Variants in LYSMD1 observed in about 807,000 individuals in gnomAD.
The protein encoded by LYSMD1 is lysM and putative peptidoglycan-binding domain-containing protein 1.
In LYSMD1, 9 loss-of-function variants were observed where a neutral mutation model predicts 19.3. That is an observed-to-expected ratio of 0.47 (90% CI 0.28 to 0.81). LYSMD1 has a LOEUF of 0.81. Ranked by LOEUF, LYSMD1 falls within the 40% of genes least tolerant of loss-of-function variation. LYSMD1 has a pLI of 0.11. For synonymous variants in LYSMD1, 111 were observed against 111.7 expected, an observed-to-expected ratio of 0.99 and a Z score of 0.04; for missense variants, 262 against 279.8, an observed-to-expected ratio of 0.94 and a Z score of 0.45.
Position 151,161,740 on chromosome 1 carries a change from T to C in LYSMD1, c.541A>G (p.Asn181Asp). The change falls in exon 2 of 3, where the codon AAT becomes GAT. Residue 181 changes from asparagine to aspartate, a missense_variant. Coordinates refer to ENST00000368908, the MANE Select transcript of LYSMD1 (RefSeq NM_212551.5). ...AAAQKLKKGE[N>D]GVPGEDAGLH... is the part of the protein sequence containing the mutation. ...AAGGAACCATTCAAGACTCACCCAT[T>C]TTCCCCTTTTTTCAGCTTCTGAGCA... is the stretch of plus-strand genomic sequence containing the variant. 1 of 1,609,188 alleles carries C rather than the reference T, an allele frequency of 6.2e-7. No individual in the cohort carries two copies. Among genetic ancestry groups the C allele is most frequent in the Non-Finnish European group, 8.5e-7 (1 of 1,178,720 alleles).
rs1683635426 is a variant in LYSMD1 at position 151,165,260 on chromosome 1, T to C, written c.-2A>G. 6.2e-7 allele frequency: 1 copy of C among 1,610,798 alleles called. No individual in the cohort carries two copies. Among genetic ancestry groups the C allele is most frequent in the African/African-American group, 1.3e-5 (1 of 74,810 alleles). On this transcript the variant is annotated 5_prime_UTR_variant, in exon 1 of 3. Transcript: ENST00000368908. ...GGGCTGTCTAGACGGGGAAGCCATC[T>C]CTTCACCCTGCCAACAGCTAAGGTT...
chr1:151,159,117 T>G, downstream of LYSMD1: 1 of 1,614,188 alleles, frequency 6.2e-7, no homozygotes, highest in Non-Finnish European at 8.5e-7. Flanking sequence ...CCAAGTCACA[T>G]GGCCGCATCC....
At position 151,160,621 on chromosome 1, in the gene LYSMD1, T is replaced by G; in HGVS notation, c.*261A>C. On this transcript the variant is annotated 3_prime_UTR_variant, in exon 3 of 3. Coordinates refer to ENST00000368908, the MANE Select transcript of LYSMD1 (RefSeq NM_212551.5). Reference sequence around the variant, plus strand: ...AAAAGGATAGGAAAGGCAACAAGGATATAAAAAGAGCCTTTTGAGTCTAAA... The same window carrying G: ...AAAAGGATAGGAAAGGCAACAAGGAGATAAAAAGAGCCTTTTGAGTCTAAA... The G allele has an allele frequency of 3.3e-6, 1 of 301,272 alleles. No individual in the cohort carries two copies. Among genetic ancestry groups the G allele is most frequent in the Admixed American group, 4.5e-5 (1 of 22,426 alleles). 18.7% of individuals were successfully genotyped at this position (301,272 alleles called of 1,614,324 possible).
In LYSMD1 at chr1:151,160,929, G is replaced by A. The variant is rs1176102651; in HGVS notation, c.637C>T (p.Arg213Trp). The change falls in exon 3 of 3, where the codon CGG becomes TGG. Residue 213 changes from arginine to tryptophan, a missense_variant. Physicochemically the swap from Arg to Trp is moderately radical, Grantham distance 101. Transcript: ENST00000368908. ...LGPVPLTRTS[R>W]TRTLRDQEDE... ...TCCTGGTCCCGTAGTGTCCGGGTCC[G>A]AGAGGTACGGGTCAGCGGCACAGGA... is the stretch of plus-strand genomic sequence containing the variant. 5 of 1,614,042 alleles carry A rather than the reference G, an allele frequency of 3.1e-6. No homozygotes were observed. The highest frequency in any genetic ancestry group is 2.2e-5 in the East Asian group (1 of 44,892).
chr1:151,158,815 G>C, downstream of LYSMD1: 1 of 1,614,172 alleles, frequency 6.2e-7, no homozygotes, highest in Non-Finnish European at 8.5e-7. Flanking sequence ...TGAGGTGCTA[G>C]ATGAGCTCTA....
Position 151,165,365 on chromosome 1 carries a change from C to T in LYSMD1, c.-107G>A. 1.3e-6 allele frequency: 2 copies of T among 1,499,084 alleles called. No individual in the cohort carries two copies. Among genetic ancestry groups the T allele is most frequent in the African/African-American group, 1.4e-5 (1 of 71,748 alleles). 92.9% of individuals were successfully genotyped at this position (1,499,084 alleles called of 1,614,324 possible). ...TGAATATTCAGGGGATTCCTTTCCCCCTCTCTCTTCCCCTGTGTCCCCGCC... is the reference window on the plus strand; with the variant it reads ...TGAATATTCAGGGGATTCCTTTCCCTCTCTCTCTTCCCCTGTGTCCCCGCC... On this transcript the variant is annotated 5_prime_UTR_variant, in exon 1 of 3. Coordinates refer to ENST00000368908, the MANE Select transcript of LYSMD1 (RefSeq NM_212551.5).
downstream of LYSMD1, among the ~76,000 whole-genome samples, chr1:151,156,930 T>G (rs1683241912): frequency 6.6e-6 from 1 of 152,040 alleles, no homozygotes; most frequent in Non-Finnish European, 1.5e-5. Flanking sequence ...GGCTGAGGGA[T>G]GCAGGTGGAT....
At chr1:151,164,197 A>G (rs1683567496) in intron 1 of LYSMD1, among the ~76,000 whole-genome samples, 1 of 152,146 alleles carries the variant, frequency 6.6e-6, no homozygotes, top group Non-Finnish European at 1.5e-5. Context: ...CCTGACCCCT[A>G]TTCGTTGTTA....
At chr1:151,153,207 A>G in the LYSMD1 span, among the ~76,000 whole-genome samples, 1 of 152,234 alleles carries the variant, frequency 6.6e-6, no homozygotes, top group Non-Finnish European at 1.5e-5. Context: ...AGATACCGTC[A>G]TTTGGCCAGG....
intron 1 of LYSMD1, among the ~76,000 whole-genome samples, chr1:151,163,895 T>C (rs1054773045): frequency 6.6e-6 from 1 of 151,686 alleles, no homozygotes; most frequent in African/African-American, 2.4e-5. Flanking sequence ...TGTGTGTGTG[T>C]GTGTGTGTGT....
At chr1:151,158,820 G>A, downstream of LYSMD1, 1 of 1,614,150 alleles carries the variant, frequency 6.2e-7, no homozygotes, top group Non-Finnish European at 8.5e-7. Flanking sequence ...TGCTAGATGA[G>A]CTCTACCGTG....
In LYSMD1 at chr1:151,160,465, G is replaced by A. The variant is rs1683401916; in HGVS notation, c.*417C>T. ...AAATTCCATTTTTCAGCTAAGAGTG[G>A]GAAGAAATAAAATATAGCAAATAAA... On this transcript the variant is annotated 3_prime_UTR_variant, in exon 3 of 3. Transcript: ENST00000368908. 6.5e-6 allele frequency: 1 copy of A among 153,956 alleles called. No individual in the cohort carries two copies. The highest frequency in any genetic ancestry group is 1.4e-5 in the Non-Finnish European group (1 of 69,058). 9.5% of individuals were successfully genotyped at this position (153,956 alleles called of 1,614,324 possible).
chr1:151,155,039 C>T (rs932782200), downstream of LYSMD1, among the ~76,000 whole-genome samples: 4 of 152,182 alleles, frequency 2.6e-5, no homozygotes, highest in African/African-American at 9.7e-5. Context: ...GGATTACAGT[C>T]ATGAGCCACC....
Position 151,165,637 on chromosome 1 carries a change from C to T in LYSMD1, c.-379G>A. On this transcript the variant is annotated 5_prime_UTR_variant, in exon 1 of 3. Coordinates refer to ENST00000368908, the MANE Select transcript of LYSMD1 (RefSeq NM_212551.5). ...CTCAGGGCGCTCCAACATCCCAGCT[C>T]TCCCCGGTCCCGGGGTTTGTTTGCT... 1 of 1,544,302 alleles carries T rather than the reference C, an allele frequency of 6.5e-7. No homozygotes were observed. Among genetic ancestry groups the T allele is most frequent in the Non-Finnish European group, 8.7e-7 (1 of 1,145,060 alleles).
chr1:151,156,201 C>T (rs1022361482), downstream of LYSMD1, among the ~76,000 whole-genome samples: 2 of 150,816 alleles, frequency 1.3e-5, no homozygotes, highest in Non-Finnish European at 3.0e-5. Flanking sequence ...ACCTGTGGTG[C>T]AGCAGCCCTG....
chr1:151,158,409 T>G (rs1376876772), downstream of LYSMD1, among the ~76,000 whole-genome samples: 1 of 151,950 alleles, frequency 6.6e-6, no homozygotes, highest in Non-Finnish European at 1.5e-5. Context: ...AGATGTAACT[T>G]GTGCTAGGCT....
Position 151,161,906 on chromosome 1 carries a change from TTTC to T in LYSMD1, c.372_374del (p.Lys125del), listed in dbSNP as rs770989273. 4.3e-6 allele frequency: 7 copies of T among 1,613,584 alleles called. No homozygotes were observed. In the African/African-American group the frequency reaches 9.3e-5, roughly 22 times the overall value. On this transcript the variant is annotated inframe_deletion, in exon 2 of 3. Transcript: ENST00000368908. ...TGGCACGTCCTGCTCCTGTCTCTTG[TTTC>T]TTCCTCTCAGTTGAGTGTGGCCAAA...
chr1:151,153,413 G>A, the LYSMD1 span, among the ~76,000 whole-genome samples: 1 of 152,086 alleles, frequency 6.6e-6, no homozygotes, highest in African/African-American at 2.4e-5. Context: ...CCAGCACTTT[G>A]GGAGGTCGAG....
the LYSMD1 span, among the ~76,000 whole-genome samples, chr1:151,148,877 G>T: frequency 6.6e-6 from 1 of 152,194 alleles, no homozygotes; most frequent in African/African-American, 2.4e-5. Context: ...ATGACTAGGT[G>T]AGCTGGTTAA....
Sources: gnomAD v4.1 joint callset for allele counts (sites outside exome capture counted in the v4.1 genomes callset) on GRCh38, gnomAD v4.1.1 for gene constraint, MANE v1.5 for transcripts, NCBI Gene and HGNC (gene_info 2026-07-23, HGNC 2026-07-21) for gene names.